GRID2: variants seen among roughly 807,000 people sequenced by gnomAD.
GRID2 encodes glutamate ionotropic receptor delta type subunit 2.
GRID2 carries 33 observed loss-of-function variants against 114.8 expected under a neutral mutation model. That is an observed-to-expected ratio of 0.29 (90% CI 0.22 to 0.38). GRID2 has a LOEUF of 0.38. Among genes scored for constraint, GRID2 ranks in the 10% least tolerant of loss-of-function variants. GRID2 has a pLI of 1.00. For missense variants in GRID2, 1,184 were observed against 1,257.7 expected (o/e 0.94, Z 0.89); for synonymous variants, 505 against 449.9 (o/e 1.12, Z -1.55).
intron 2 of GRID2, among the ~76,000 whole-genome samples, chr4:92,737,511 TG>T (rs1736655141): frequency 6.6e-6 from 1 of 152,110 alleles, no homozygotes; most frequent in Non-Finnish European, 1.5e-5. Flanking sequence ...TAGCTATATG[TG>T]TCATTTAGTT....
At chr4:93,027,484 T>A (rs909587915) in intron 2 of GRID2, among the ~76,000 whole-genome samples, 13 of 152,098 alleles carry the variant, frequency 8.5e-5, no homozygotes, top group Non-Finnish European at 1.8e-4. Flanking sequence ...AAGCCTTGTA[T>A]TGCTGGATTT....
intron 8 of GRID2, among the ~76,000 whole-genome samples, chr4:93,319,253 A>G (rs1393966050): frequency 1.3e-5 from 2 of 152,096 alleles, no homozygotes; most frequent in African/African-American, 4.8e-5. Flanking sequence ...GAGCCATTCA[A>G]TATGTTGTTT....
chr4:92,586,389 CACACAT>C (rs1398590705), intron 1 of GRID2, among the ~76,000 whole-genome samples: 7 of 151,018 alleles, frequency 4.6e-5, no homozygotes, highest in African/African-American at 1.7e-4. Flanking sequence ...CACACACACA[CACACAT>C]ACACACACAC....
intron 4 of GRID2, among the ~76,000 whole-genome samples, chr4:93,116,187 A>G (rs1339455345): frequency 6.6e-6 from 1 of 152,196 alleles, no homozygotes; most frequent in Non-Finnish European, 1.5e-5. Flanking sequence ...TTGACAGTAT[A>G]GTAATTGTAA....
At chr4:92,899,252 ATC>A (rs1465764148) in intron 2 of GRID2, among the ~76,000 whole-genome samples, 1 of 151,964 alleles carries the variant, frequency 6.6e-6, no homozygotes, top group East Asian at 1.9e-4. Context: ...ATGTTTGTAA[ATC>A]TGTCTTTTGT....
chr4:93,205,213 G>GTT (rs901069885), intron 4 of GRID2, among the ~76,000 whole-genome samples: 8 of 146,798 alleles, frequency 5.4e-5, no homozygotes, highest in African/African-American at 2.0e-4. Context: ...GGTATAAAGT[G>GTT]TTTTTTTTTT....
intron 2 of GRID2, among the ~76,000 whole-genome samples, chr4:92,941,125 A>G (rs1751089210): frequency 1.3e-5 from 2 of 152,216 alleles, no homozygotes; most frequent in Admixed American, 1.3e-4. Context: ...AATGATTGGA[A>G]TAGTTTCAGA....
intron 2 of GRID2, among the ~76,000 whole-genome samples, chr4:92,889,686 A>G (rs910345929): frequency 6.6e-6 from 1 of 152,212 alleles, no homozygotes; most frequent in African/African-American, 2.4e-5. Flanking sequence ...AAATGGCCAT[A>G]CTGCCCAAAG....
intron 2 of GRID2, among the ~76,000 whole-genome samples, chr4:92,738,888 A>G (rs560977419): frequency 6.6e-6 from 1 of 152,260 alleles, no homozygotes; most frequent in South Asian, 2.1e-4. Context: ...AGGTTGGTCT[A>G]GAACCCTGGC....
intron 15 of GRID2, among the ~76,000 whole-genome samples, chr4:93,770,299 A>G (rs1353897994): frequency 6.6e-6 from 1 of 152,234 alleles, no homozygotes; most frequent in Non-Finnish European, 1.5e-5. Context: ...AAACAATTTT[A>G]TGTGATGGAT....
At chr4:92,325,977 G>A (rs561813675) in intron 1 of GRID2, among the ~76,000 whole-genome samples, 171 of 151,616 alleles carry the variant, frequency 1.1e-3, no homozygotes, top group African/African-American at 3.9e-3. Context: ...GTACTGAAAA[G>A]TTTGTTTTCT....
At chr4:93,060,240 C>T (rs1203839035) in intron 2 of GRID2, among the ~76,000 whole-genome samples, 1 of 152,070 alleles carries the variant, frequency 6.6e-6, no homozygotes, top group African/African-American at 2.4e-5. Flanking sequence ...GAAGCTGTCT[C>T]AATGTAGATT....
At chr4:93,521,764 A>G (rs1460103571) in intron 13 of GRID2, among the ~76,000 whole-genome samples, 1 of 152,170 alleles carries the variant, frequency 6.6e-6, no homozygotes, top group Non-Finnish European at 1.5e-5. Context: ...CACAGAACTA[A>G]TATTTGAGAG....
chr4:93,344,778 G>T (rs77081691), intron 8 of GRID2, among the ~76,000 whole-genome samples: 4 of 151,222 alleles, frequency 2.6e-5, no homozygotes, highest in African/African-American at 9.7e-5. Context: ...CATTTCCACC[G>T]CCAGCCTTCT....
intron 1 of GRID2, among the ~76,000 whole-genome samples, chr4:92,438,924 G>C (rs1462684124): frequency 2.0e-5 from 3 of 152,120 alleles, no homozygotes; most frequent in South Asian, 4.1e-4. Flanking sequence ...AGTATATCCT[G>C]CCTTCTCTCC....
intron 2 of GRID2, among the ~76,000 whole-genome samples, chr4:93,056,933 G>T (rs1376227136): frequency 1.3e-5 from 2 of 151,842 alleles, no homozygotes; most frequent in Non-Finnish European, 2.9e-5. Flanking sequence ...CTGCCACGAG[G>T]ATCATTATAA....
intron 1 of GRID2, among the ~76,000 whole-genome samples, chr4:92,381,339 T>C (rs1465658635): frequency 1.3e-5 from 2 of 152,032 alleles, no homozygotes; most frequent in Non-Finnish European, 2.9e-5. Flanking sequence ...TCACTTCTAA[T>C]ATGTACTTTA....
At chr4:93,596,120 T>TGCCTATTGCC (rs1739058834) in intron 13 of GRID2, among the ~76,000 whole-genome samples, 1 of 152,210 alleles carries the variant, frequency 6.6e-6, no homozygotes, top group Admixed American at 6.5e-5. Context: ...TGCCTTGTGT[T>TGCCTATTGCC]TATTATCTAG....
intron 4 of GRID2, among the ~76,000 whole-genome samples, chr4:93,151,908 T>A (rs2149398069): frequency 6.6e-6 from 1 of 152,282 alleles, no homozygotes; most frequent in African/African-American, 2.4e-5. Flanking sequence ...TAATTTAAAT[T>A]TAATAAAGTA....
Sources: allele counts gnomAD v4.1 joint callset (sites outside exome capture counted in the v4.1 genomes callset), GRCh38; gene constraint gnomAD v4.1.1; transcripts MANE v1.5; gene names NCBI Gene and HGNC (gene_info 2026-07-23, HGNC 2026-07-21).